ARHGEF28: variants seen among roughly 807,000 people sequenced by gnomAD.
The protein encoded by ARHGEF28 is Rho guanine nucleotide exchange factor 28, also known as 190 kDa guanine nucleotide exchange factor.
Under a neutral mutation model 206.6 loss-of-function variants are expected in ARHGEF28, and 152 were observed. That is an observed-to-expected ratio of 0.74 (90% CI 0.64 to 0.84). The LOEUF (loss-of-function observed/expected upper bound fraction) is 0.84, where lower values mean the gene tolerates loss of function less well. Among genes scored for constraint, ARHGEF28 ranks in the 40% least tolerant of loss-of-function variants. The pLI, the probability that ARHGEF28 is intolerant of heterozygous loss-of-function variation, is 0.00. For missense variants in ARHGEF28, 2,028 were observed against 2,073.2 expected (o/e 0.98, Z 0.42); for synonymous variants, 763 against 776.4 (o/e 0.98, Z 0.29).
intron 1 of ARHGEF28, among the ~76,000 whole-genome samples, chr5:73,633,718 G>T (rs916974307): frequency 2.0e-5 from 3 of 151,444 alleles, no homozygotes; most frequent in African/African-American, 7.3e-5. Flanking sequence ...CTGGGATTAG[G>T]GGTGCATGCC....
intron 1 of ARHGEF28, among the ~76,000 whole-genome samples, chr5:73,656,028 T>C (rs913473718): frequency 1.3e-4 from 20 of 152,294 alleles, no homozygotes; most frequent in African/African-American, 4.8e-4. Context: ...AATGTCCCCA[T>C]CTTGTTTTGC....
chr5:73,869,574 C>A (rs948526129), intron 20 of ARHGEF28, among the ~76,000 whole-genome samples: 1 of 152,150 alleles, frequency 6.6e-6, no homozygotes, highest in Non-Finnish European at 1.5e-5. Flanking sequence ...GTCATGAAAG[C>A]TGTCTTAATT....
At chr5:73,848,877 C>T (rs767069250) in intron 12 of ARHGEF28, 99 bp from the exon 13 acceptor site, 1 of 821,444 alleles carries the variant, frequency 1.2e-6, no homozygotes, top group Non-Finnish European at 1.9e-6. Context: ...CAGGTTGAAT[C>T]TCTTTTCAAA....
chr5:73,904,556 C>T, intron 33 of ARHGEF28, 151 bp downstream of exon 33: 2 of 828,130 alleles, frequency 2.4e-6, no homozygotes, highest in South Asian at 2.0e-5. Flanking sequence ...GTGTTGGACT[C>T]ACATGGTTTT....
At chr5:73,862,479 C>T (rs1032385263) in intron 16 of ARHGEF28, among the ~76,000 whole-genome samples, 1 of 152,072 alleles carries the variant, frequency 6.6e-6, no homozygotes, top group African/African-American at 2.4e-5. Context: ...TTTACTGCTA[C>T]CAACATATCT....
intron 2 of ARHGEF28, among the ~76,000 whole-genome samples, chr5:73,706,504 T>C (rs1257989042): frequency 2.0e-5 from 3 of 152,172 alleles, no homozygotes; most frequent in Non-Finnish European, 4.4e-5. Context: ...GTTTTCTCAC[T>C]TGAATATGAG....
intron 21 of ARHGEF28, among the ~76,000 whole-genome samples, chr5:73,872,435 G>A (rs1025911176): frequency 7.8e-4 from 118 of 151,766 alleles, no homozygotes; most frequent in African/African-American, 2.6e-3. Flanking sequence ...CATTCTGTGC[G>A]TTTTCTTTTC....
At chr5:73,723,103 A>G (rs1750058668) in intron 2 of ARHGEF28, among the ~76,000 whole-genome samples, 1 of 152,194 alleles carries the variant, frequency 6.6e-6, no homozygotes, top group South Asian at 2.1e-4. Flanking sequence ...TGGTTCAGTA[A>G]TTATTCCTGT....
At chr5:73,687,985 T>C (rs978024509) in intron 2 of ARHGEF28, among the ~76,000 whole-genome samples, 1 of 152,168 alleles carries the variant, frequency 6.6e-6, no homozygotes, top group African/African-American at 2.4e-5. Flanking sequence ...GTACTTCAAG[T>C]AATCCTACTT....
intron 14 of ARHGEF28, among the ~76,000 whole-genome samples, chr5:73,854,733 G>A (rs1758909187): frequency 6.6e-6 from 1 of 152,014 alleles, no homozygotes; most frequent in African/African-American, 2.4e-5. Flanking sequence ...TCAGGAGGCT[G>A]AGGCAGAAGA....
intron 2 of ARHGEF28, among the ~76,000 whole-genome samples, chr5:73,741,371 GTGTGTGTGTGTGTGTATATATATA>G (rs1751377098): frequency 2.4e-4 from 15 of 61,928 alleles, no homozygotes; most frequent in African/African-American, 3.1e-4. Context: ...GTGTGTGTGT[GTGTGTGTGTGTGTGTATATATATA>G]TATATATATA....
At chr5:73,892,606 G>T (rs1040058767) in intron 27 of ARHGEF28, among the ~76,000 whole-genome samples, 1 of 152,048 alleles carries the variant, frequency 6.6e-6, no homozygotes, top group Non-Finnish European at 1.5e-5. Flanking sequence ...ATGTACATAT[G>T]TGTGTGTTTA....
chr5:73,813,729 TC>T, intron 9 of ARHGEF28: 2 of 1,503,264 alleles, frequency 1.3e-6, no homozygotes, highest in Non-Finnish European at 1.8e-6. Flanking sequence ...TCCTATTCTT[TC>T]TTTTCCGTGT....
intron 9 of ARHGEF28, among the ~76,000 whole-genome samples, chr5:73,809,978 A>G (rs1029979374): frequency 3.9e-5 from 6 of 152,220 alleles, no homozygotes; most frequent in African/African-American, 1.4e-4. Flanking sequence ...AGCATCTTGA[A>G]TTAATTTAAA....
intron 35 of ARHGEF28, among the ~76,000 whole-genome samples, chr5:73,927,657 C>A (rs150018982): frequency 1.3e-5 from 2 of 152,288 alleles, no homozygotes; most frequent in African/African-American, 2.4e-5. Context: ...CAACATCTGG[C>A]TTTATGTTCT....
intron 25 of ARHGEF28, among the ~76,000 whole-genome samples, chr5:73,886,524 A>G (rs1408042384): frequency 1.3e-5 from 2 of 152,238 alleles, no homozygotes; most frequent in African/African-American, 4.8e-5. Flanking sequence ...TCTGAATGTC[A>G]TCTTTGTTAC....
chr5:73,763,426 G>A (rs1256940643), intron 4 of ARHGEF28, among the ~76,000 whole-genome samples: 5 of 152,174 alleles, frequency 3.3e-5, no homozygotes, highest in Non-Finnish European at 5.9e-5. Flanking sequence ...GGCTGTAGGC[G>A]AATGGCCAGT....
chr5:73,774,559 C>A (rs559963612), intron 5 of ARHGEF28, among the ~76,000 whole-genome samples: 1 of 152,252 alleles, frequency 6.6e-6, no homozygotes, highest in African/African-American at 2.4e-5. Context: ...GAATAACAGA[C>A]AAATGCTATG....
chr5:73,764,090 A>G (rs1752761769), intron 4 of ARHGEF28, among the ~76,000 whole-genome samples: 1 of 152,176 alleles, frequency 6.6e-6, no homozygotes, highest in Non-Finnish European at 1.5e-5. Context: ...TGTTATTTTC[A>G]TTACAGCCCC....
Sources: gnomAD v4.1 joint callset for allele counts (sites outside exome capture counted in the v4.1 genomes callset) on GRCh38, gnomAD v4.1.1 for gene constraint, MANE v1.5 for transcripts, NCBI Gene and HGNC (gene_info 2026-07-23, HGNC 2026-07-21) for gene names.